EBF2: variants seen among roughly 807,000 people sequenced by gnomAD.
EBF2 encodes transcription factor COE2.
A neutral mutation model predicts 72.8 loss-of-function variants in EBF2; 21 were observed. The observed-to-expected ratio is 0.29, with a 90% confidence interval of 0.20 to 0.42. The LOEUF is 0.42. Ranked by LOEUF, EBF2 falls within the 10% of genes least tolerant of loss-of-function variation. EBF2 has a pLI of 1.00. For missense variants in EBF2, 637 were observed against 731.2 expected (o/e 0.87, Z 1.49); for synonymous variants, 299 against 274.2 (o/e 1.09, Z -0.89).
intron 6 of EBF2, among the ~76,000 whole-genome samples, chr8:25,939,625 G>A (rs1803636259): frequency 6.6e-6 from 1 of 152,218 alleles, no homozygotes; most frequent in Admixed American, 6.5e-5. Flanking sequence ...TGTGGCTCAG[G>A]AGGGTTAAGA....
chr8:26,037,012 T>C (rs1805513252), intron 5 of EBF2, among the ~76,000 whole-genome samples: 1 of 152,212 alleles, frequency 6.6e-6, no homozygotes, highest in African/African-American at 2.4e-5. Flanking sequence ...TCTTTTTTCC[T>C]AATGAATGAA....
intron 6 of EBF2, among the ~76,000 whole-genome samples, chr8:26,016,886 T>A (rs1040216492): frequency 2.6e-5 from 4 of 152,222 alleles, no homozygotes; most frequent in African/African-American, 9.6e-5. Flanking sequence ...TCATGTGGGA[T>A]CACCATTCAG....
At chr8:25,977,464 G>T (rs891599847) in intron 6 of EBF2, among the ~76,000 whole-genome samples, 2 of 152,070 alleles carry the variant, frequency 1.3e-5, no homozygotes, top group African/African-American at 4.8e-5. Context: ...CATGAGGAGT[G>T]ATAATTGATT....
At chr8:25,955,776 T>C (rs574138648) in intron 6 of EBF2, among the ~76,000 whole-genome samples, 1 of 152,156 alleles carries the variant, frequency 6.6e-6, no homozygotes, top group Non-Finnish European at 1.5e-5. Context: ...CCCTTGAAAG[T>C]CTCATTCTGG....
At chr8:25,955,408 G>T (rs1020857749) in intron 6 of EBF2, among the ~76,000 whole-genome samples, 1 of 152,174 alleles carries the variant, frequency 6.6e-6, no homozygotes, top group Non-Finnish European at 1.5e-5. Flanking sequence ...AGCTCCAGAG[G>T]TATTTTGTGG....
At chr8:25,984,565 C>T (rs1025356184) in intron 6 of EBF2, among the ~76,000 whole-genome samples, 52 of 152,238 alleles carry the variant, frequency 3.4e-4, no homozygotes, top group African/African-American at 1.2e-3. Context: ...GCCTGCAGTT[C>T]CAGCGACTCG....
At chr8:25,900,331 C>A (rs1802931234) in intron 7 of EBF2, among the ~76,000 whole-genome samples, 1 of 152,082 alleles carries the variant, frequency 6.6e-6, no homozygotes, top group Non-Finnish European at 1.5e-5. Context: ...GTGTTGCATG[C>A]ACCTGTAGTC....
At chr8:26,018,381 G>A (rs765168114) in intron 6 of EBF2, among the ~76,000 whole-genome samples, 5 of 151,280 alleles carry the variant, frequency 3.3e-5, no homozygotes, top group East Asian at 2.0e-4. Flanking sequence ...GGCCGGACGC[G>A]GTGGCTCATG....
intron 6 of EBF2, among the ~76,000 whole-genome samples, chr8:25,983,716 T>C (rs945793079): frequency 6.6e-6 from 1 of 152,242 alleles, no homozygotes; most frequent in Non-Finnish European, 1.5e-5. Context: ...CCTCTGCTCA[T>C]CAGGGGCCTC....
chr8:25,910,241 G>T (rs1371451105), intron 6 of EBF2, among the ~76,000 whole-genome samples: 1 of 152,140 alleles, frequency 6.6e-6, no homozygotes, highest in Non-Finnish European at 1.5e-5. Context: ...CATCCCCTCC[G>T]TTTGTACACT....
chr8:25,921,489 A>G (rs1291907765), intron 6 of EBF2, among the ~76,000 whole-genome samples: 2 of 152,156 alleles, frequency 1.3e-5, no homozygotes, highest in African/African-American at 2.4e-5. Context: ...CCCAACCCCT[A>G]TATCTGTACA....
intron 7 of EBF2, among the ~76,000 whole-genome samples, chr8:25,891,928 T>C (rs1023443665): frequency 1.3e-5 from 2 of 152,178 alleles, no homozygotes; most frequent in South Asian, 2.1e-4. Context: ...AAAAACCTTT[T>C]ATTATGAATA....
At position 26,044,474 on chromosome 8, in the gene EBF2, G is replaced by A. The variant is rs1159407826; in HGVS notation, c.131+255C>T. Among the ~76,000 whole-genome samples the A allele has an allele frequency of 6.6e-6, 1 of 152,246 alleles. No individual in the cohort carries two copies. Among genetic ancestry groups the A allele is most frequent in the East Asian group, 1.9e-4 (1 of 5,202 alleles). ...TACTTTATTTTTCCTTGCAAAGAGTGGACTGTGGTAAAGGAGAGGGAGAGA... is the reference window on the plus strand; with the variant it reads ...TACTTTATTTTTCCTTGCAAAGAGTAGACTGTGGTAAAGGAGAGGGAGAGA... On this transcript the variant is annotated intron_variant, in intron 1 of 15. Coordinates refer to ENST00000520164, the MANE Select transcript of EBF2 (RefSeq NM_022659.4). This position sits in a 1 kb window ranked among gnomAD's most constrained non-coding sequence, Gnocchi z 4.1.
rs1033649712 is a variant in EBF2 at position 25,875,991 on chromosome 8, CAA to C, written c.1009+10762_1009+10763del. Among the ~76,000 whole-genome samples the C allele has an allele frequency of 1.2e-4, 19 of 152,004 alleles. 1 individual carries two copies. Among genetic ancestry groups the C allele is most frequent in the Admixed American group, 9.8e-4 (15 of 15,268 alleles). ...GTTTGTTGAAGCATGTTCACAAAAG[CAA>C]AGACTTGGAACCAACCCAAATACCC... On this transcript the variant is annotated intron_variant, in intron 10 of 15. Coordinates refer to ENST00000520164, the MANE Select transcript of EBF2 (RefSeq NM_022659.4).
chr8:25,942,648 G>C (rs769335806), intron 6 of EBF2, among the ~76,000 whole-genome samples: 1 of 152,176 alleles, frequency 6.6e-6, no homozygotes, highest in Admixed American at 6.5e-5. Flanking sequence ...AAACTGAAAG[G>C]CTTGTCTAAC....
chr8:25,998,147 G>A (rs950457683), intron 6 of EBF2, among the ~76,000 whole-genome samples: 1 of 152,132 alleles, frequency 6.6e-6, no homozygotes, highest in African/African-American at 2.4e-5. Flanking sequence ...CCTCCTAGCT[G>A]CCATCACCAT....
chr8:25,900,864 G>T (rs1802939716), intron 7 of EBF2, among the ~76,000 whole-genome samples: 1 of 152,038 alleles, frequency 6.6e-6, no homozygotes, highest in African/African-American at 2.4e-5. Flanking sequence ...GTTGGTTAAT[G>T]GGTACAAACA....
intron 15 of EBF2, among the ~76,000 whole-genome samples, chr8:25,845,074 G>A (rs192261182): frequency 3.4e-4 from 52 of 152,212 alleles, no homozygotes; most frequent in African/African-American, 1.2e-3. Flanking sequence ...CTAGGGCATC[G>A]TTGATAACAA....
intron 6 of EBF2, among the ~76,000 whole-genome samples, chr8:26,017,180 G>T (rs1805125567): frequency 6.6e-6 from 1 of 151,340 alleles, no homozygotes; most frequent in South Asian, 2.1e-4. Context: ...GACTCAAAGG[G>T]AAAACATTTT....
Sources: allele counts gnomAD v4.1 joint callset (sites outside exome capture counted in the v4.1 genomes callset), GRCh38; gene constraint gnomAD v4.1.1; non-coding constraint Gnocchi (gnomAD v3.1); transcripts MANE v1.5; gene names NCBI Gene and HGNC (gene_info 2026-07-23, HGNC 2026-07-21).